ZNF609: variants seen among roughly 807,000 people sequenced by gnomAD.
The protein encoded by ZNF609 is zinc finger protein 609.
ZNF609 carries 11 observed loss-of-function variants against 109.5 expected under a neutral mutation model. That is an observed-to-expected ratio of 0.10 (90% CI 0.06 to 0.17). ZNF609 has a LOEUF of 0.17. Among genes scored for constraint, ZNF609 ranks in the 10% least tolerant of loss-of-function variants. ZNF609 has a pLI of 1.00. For synonymous variants in ZNF609, 646 were observed against 662.0 expected, an observed-to-expected ratio of 0.98 and a Z score of 0.37; for missense variants, 1,559 against 1,772.4, an observed-to-expected ratio of 0.88 and a Z score of 2.16.
At chr15:64,609,169 TTCTG>T (rs1186055894) in intron 2 of ZNF609, among the ~76,000 whole-genome samples, 45 of 147,668 alleles carry the variant, frequency 3.0e-4, no homozygotes, top group South Asian at 1.9e-3. Flanking sequence ...CTTTCTTTCT[TTCTG>T]TCTGTCTGTC....
intron 2 of ZNF609, among the ~76,000 whole-genome samples, chr15:64,568,681 T>G (rs185146504): frequency 6.6e-6 from 1 of 152,366 alleles, no homozygotes; most frequent in East Asian, 1.9e-4. Context: ...AGAACAGAGA[T>G]GAAAAGTGGT....
chr15:64,477,998 C>T (rs1003621707), intron 1 of ZNF609, among the ~76,000 whole-genome samples: 6 of 152,166 alleles, frequency 3.9e-5, no homozygotes, highest in African/African-American at 1.4e-4. Flanking sequence ...CAGCCTGTTA[C>T]ACTATATGCC....
intron 2 of ZNF609, among the ~76,000 whole-genome samples, chr15:64,532,161 A>C (rs929048057): frequency 6.6e-6 from 1 of 152,116 alleles, no homozygotes; most frequent in Non-Finnish European, 1.5e-5. Context: ...TATCACAGAG[A>C]AGTACGTAGC....
chr15:64,550,839 G>GAAA (rs35566414), intron 2 of ZNF609, among the ~76,000 whole-genome samples: 1 of 75,328 alleles, frequency 1.3e-5, no homozygotes, highest in Non-Finnish European at 3.1e-5. Flanking sequence ...TCTGTCTCGG[G>GAAA]AAAAAAAAAA....
At chr15:64,536,842 T>G (rs990164313) in intron 2 of ZNF609, among the ~76,000 whole-genome samples, 2 of 145,470 alleles carry the variant, frequency 1.4e-5, no homozygotes, top group Non-Finnish European at 3.0e-5. Flanking sequence ...CCTGGAAGGT[T>G]GAGGCTGCAG....
At chr15:64,669,051 G>A (rs1488374722) in intron 3 of ZNF609, among the ~76,000 whole-genome samples, 2 of 146,368 alleles carry the variant, frequency 1.4e-5, no homozygotes, top group Admixed American at 6.8e-5. Context: ...AGAACAAAAT[G>A]AGAACATCAT....
chr15:64,619,919 A>T (rs2140969938), intron 2 of ZNF609, among the ~76,000 whole-genome samples: 1 of 152,312 alleles, frequency 6.6e-6, no homozygotes, highest in Middle Eastern at 3.4e-3. Context: ...TCTAGAATGT[A>T]TTAGCATATG....
intron 2 of ZNF609, among the ~76,000 whole-genome samples, chr15:64,550,785 G>C (rs561968675): frequency 1.4e-5 from 2 of 145,654 alleles, no homozygotes; most frequent in South Asian, 4.4e-4. Flanking sequence ...GCAGTGAGCC[G>C]ATGATCGTGC....
At chr15:64,633,924 A>C (rs1162839015) in intron 3 of ZNF609, among the ~76,000 whole-genome samples, 1 of 151,988 alleles carries the variant, frequency 6.6e-6, no homozygotes, top group East Asian at 1.9e-4. Flanking sequence ...TACCAATCTC[A>C]TGCCTCGTAT....
intron 2 of ZNF609, among the ~76,000 whole-genome samples, chr15:64,575,164 G>A (rs1295756594): frequency 6.6e-6 from 1 of 152,172 alleles, no homozygotes; most frequent in African/African-American, 2.4e-5. Flanking sequence ...CGGGGTTTCT[G>A]TGGAAGACAA....
chr15:64,608,583 A>G (rs961578372), intron 2 of ZNF609, among the ~76,000 whole-genome samples: 7 of 152,148 alleles, frequency 4.6e-5, no homozygotes, highest in African/African-American at 1.7e-4. Context: ...CACCAAAAAG[A>G]TCTCTTGTGT....
chr15:64,542,998 G>T (rs866929050), intron 2 of ZNF609, among the ~76,000 whole-genome samples: 1 of 152,038 alleles, frequency 6.6e-6, no homozygotes, highest in African/African-American at 2.4e-5. Flanking sequence ...GTCAGCGGGT[G>T]GGGGGCAAGG....
chr15:64,503,097 A>G (rs1368573086), intron 2 of ZNF609: 1 of 151,358 alleles, frequency 6.6e-6, no homozygotes, highest in Non-Finnish European at 1.5e-5. Context: ...TATCTATCTC[A>G]TGTTCTTCTT....
intron 3 of ZNF609, 52 bp downstream of exon 3, chr15:64,623,104 G>C (rs1444134367): frequency 6.5e-7 from 1 of 1,546,474 alleles, no homozygotes; most frequent in African/African-American, 1.4e-5. Flanking sequence ...TTCTGCAGGG[G>C]AGCCACCAGG....
At chr15:64,491,850 T>C (rs766717940) in intron 1 of ZNF609, among the ~76,000 whole-genome samples, 9 of 147,854 alleles carry the variant, frequency 6.1e-5, no homozygotes, top group Non-Finnish European at 1.3e-4. Flanking sequence ...GTCTCAAAAA[T>C]AAATAAATAA....
chr15:64,518,452 T>C (rs926973825), intron 2 of ZNF609, among the ~76,000 whole-genome samples: 5 of 152,198 alleles, frequency 3.3e-5, no homozygotes, highest in African/African-American at 1.2e-4. Context: ...TGGAGTGCTA[T>C]GGGGTCAGAT....
At chr15:64,586,412 C>T (rs1402529718) in intron 2 of ZNF609, among the ~76,000 whole-genome samples, 1 of 151,910 alleles carries the variant, frequency 6.6e-6, no homozygotes, top group African/African-American at 2.4e-5. Context: ...CAGACTGGTA[C>T]TGGTCCATGG....
At chr15:64,464,035 C>A (rs1397446200) in intron 1 of ZNF609, among the ~76,000 whole-genome samples, 1 of 152,060 alleles carries the variant, frequency 6.6e-6, no homozygotes, top group African/African-American at 2.4e-5. Context: ...TGGATTCCCC[C>A]CCAACTACCC....
intron 2 of ZNF609, among the ~76,000 whole-genome samples, chr15:64,605,362 G>A (rs1467837358): frequency 6.6e-6 from 1 of 152,200 alleles, no homozygotes; most frequent in Non-Finnish European, 1.5e-5. Context: ...GCTAGAAGAA[G>A]GGAGGGAAAG....
Sources: gnomAD v4.1 joint callset for allele counts (sites outside exome capture counted in the v4.1 genomes callset) on GRCh38, gnomAD v4.1.1 for gene constraint, MANE v1.5 for transcripts, NCBI Gene and HGNC (gene_info 2026-07-23, HGNC 2026-07-21) for gene names.